DAG1: variants seen among roughly 807,000 people sequenced by gnomAD.
DAG1 encodes dystroglycan 1.
DAG1 carries 8 observed loss-of-function variants against 46.1 expected under a neutral mutation model. That is an observed-to-expected ratio of 0.17 (90% confidence interval 0.10 to 0.31). The LOEUF (loss-of-function observed/expected upper bound fraction) is 0.31, where lower values mean the gene tolerates loss of function less well. Ranked by LOEUF, DAG1 falls within the 10% of genes least tolerant of loss-of-function variation. The pLI, the probability that DAG1 is intolerant of heterozygous loss-of-function variation, is 1.00. For missense variants in DAG1, 1,003 were observed against 1,189.9 expected, an observed-to-expected ratio of 0.84 and a Z score of 2.31; for synonymous variants, 495 against 481.8, an observed-to-expected ratio of 1.03 and a Z score of -0.36.
At chr3:49,499,095 G>A (rs2050382089) in intron 1 of DAG1, among the ~76,000 whole-genome samples, 1 of 152,206 alleles carries the variant, frequency 6.6e-6, no homozygotes, top group African/African-American at 2.4e-5. Context: ...CTATTTGGGA[G>A]TAGGGGCTCC....
chr3:49,473,583 CT>C lies in DAG1; in HGVS notation c.-117+3162del, dbSNP rs554262180. On this transcript the variant is annotated intron_variant, in intron 1 of 2. Coordinates refer to ENST00000308775, the MANE Select transcript of DAG1 (RefSeq NM_004393.6). The stretch of plus-strand genomic sequence containing the variant: ...AGAGCATATTTCATTTCTTTTCTTC[CT>C]TTTTTTTTTTTGAGACGGAGTCTTG... 4.4e-3 allele frequency among the ~76,000 whole-genome samples: 646 copies of C among 145,408 alleles called. 14 individuals carry two copies. The East Asian group carries it at 0.054, about 12-fold the overall frequency.
At chr3:49,522,170 C>T (rs1032703221) in intron 2 of DAG1, among the ~76,000 whole-genome samples, 4 of 152,016 alleles carry the variant, frequency 2.6e-5, no homozygotes, top group Non-Finnish European at 5.9e-5. Context: ...GCTGGGATTA[C>T]AGGTGCCTGC....
chr3:49,528,988 C>T (rs2051269072), intron 2 of DAG1, among the ~76,000 whole-genome samples: 2 of 151,880 alleles, frequency 1.3e-5, no homozygotes, highest in African/African-American at 4.8e-5. Context: ...GTAGCTGGGA[C>T]TACAGGTGCC....
chr3:49,480,248 G>A (rs1185306292), intron 1 of DAG1, among the ~76,000 whole-genome samples: 1 of 148,398 alleles, frequency 6.7e-6, no homozygotes, highest in Non-Finnish European at 1.5e-5. Context: ...CACTGTGCCT[G>A]GTCATGAATA....
At chr3:49,524,077 T>C (rs1418974686) in intron 2 of DAG1, among the ~76,000 whole-genome samples, 1 of 152,224 alleles carries the variant, frequency 6.6e-6, no homozygotes, top group East Asian at 1.9e-4. Flanking sequence ...TTTTGAAAGC[T>C]GAGGAGGTAT....
intron 1 of DAG1, among the ~76,000 whole-genome samples, chr3:49,507,057 T>C (rs1475457327): frequency 6.6e-6 from 1 of 152,168 alleles, no homozygotes; most frequent in Non-Finnish European, 1.5e-5. Flanking sequence ...TTGTCTGCTT[T>C]CTGGAAGAGT....
At chr3:49,469,886 T>C (rs1343311715), upstream of DAG1, among the ~76,000 whole-genome samples, 1 of 152,200 alleles carries the variant, frequency 6.6e-6, no homozygotes, top group African/African-American at 2.4e-5. Flanking sequence ...TTGATTAGTC[T>C]TAGAGGCCCA....
Position 49,532,642 on chromosome 3 carries a change from G to T in DAG1, c.2131G>T (p.Gly711Cys). The change falls in exon 3 of 3, where the codon GGC (glycine) becomes TGC (cysteine). Residue 711 changes from glycine (G) to cysteine (C), a missense_variant. Physicochemically the swap from Gly to Cys is radical, Grantham distance 159. Coordinates refer to ENST00000308775, the MANE Select transcript of DAG1 (RefSeq NM_004393.6). This position sits in a 1 kb window ranked among gnomAD's most constrained non-coding sequence, Gnocchi z 5.4. Reference protein sequence around the residue: ...KATSITVTGSGSCRHLQFIPV... With the variant: ...KATSITVTGSCSCRHLQFIPV... ...CACAAGCATCACTGTGACGGGCTCT[G>T]GCAGTTGTCGGCACCTACAGTTTAT... is the stretch of plus-strand genomic sequence containing the variant. 1 of 1,614,032 alleles carries T rather than the reference G, an allele frequency of 6.2e-7. No homozygotes were observed. The highest frequency in any genetic ancestry group is 8.5e-7 in the Non-Finnish European group (1 of 1,179,918).
At position 49,534,506 on chromosome 3, in the gene DAG1, T is replaced by C. The variant is rs1262160318; in HGVS notation, c.*1307T>C. ...AGTTTTTATACAGCCTCAAATTGTTTTATTAAAAAAAAGATTTAAAATGGT... is the reference window on the plus strand; with the variant it reads ...AGTTTTTATACAGCCTCAAATTGTTCTATTAAAAAAAAGATTTAAAATGGT... On this transcript the variant is annotated 3_prime_UTR_variant, in exon 3 of 3. Transcript: ENST00000308775. 6.6e-6 allele frequency: 1 copy of C among 152,604 alleles called. No individual in the cohort carries two copies. The allele number at this position is 152,604 out of a possible 1,614,324, so 9.5% of individuals were successfully genotyped here.
intron 1 of DAG1, among the ~76,000 whole-genome samples, chr3:49,499,242 G>A (rs1387987561): frequency 1.3e-5 from 2 of 152,122 alleles, no homozygotes; most frequent in Non-Finnish European, 2.9e-5. Context: ...GTTAAGATGT[G>A]TGAAAGTTTC....
Position 49,510,564 on chromosome 3 carries a change from G to A in DAG1, c.30G>A (p.Leu10=). Residue 10 remains leucine (L), a synonymous_variant, in exon 2 of 3, where the codon CTG becomes CTA. Coordinates refer to ENST00000308775, the MANE Select transcript of DAG1 (RefSeq NM_004393.6). ...GGATGTCTGTGGGCCTCTCGCTGCT[G>A]CTGCCCCTCTCGGGGAGGACCTTTC... MRMSVGLSL[L]LPLSGRTFLL... is the part of the protein sequence containing the mutation. The A allele has an allele frequency of 6.2e-7, 1 of 1,613,878 alleles. No homozygotes were observed. The highest frequency in any genetic ancestry group is 8.5e-7 in the Non-Finnish European group (1 of 1,179,996).
intron 1 of DAG1, among the ~76,000 whole-genome samples, chr3:49,496,338 T>G (rs957975227): frequency 7.5e-5 from 11 of 147,508 alleles, no homozygotes; most frequent in Non-Finnish European, 7.4e-5. Context: ...CTTGGCCAAT[T>G]TTTTAAATTT....
chr3:49,473,687 A>G (rs930733146), intron 1 of DAG1, among the ~76,000 whole-genome samples: 9 of 150,792 alleles, frequency 6.0e-5, no homozygotes, highest in Admixed American at 4.0e-4. Flanking sequence ...GGTTCAAGCA[A>G]TTCTCCTGCC....
At chr3:49,511,071 A>G in intron 2 of DAG1, 1 of 726,302 alleles carries the variant, frequency 1.4e-6, no homozygotes, top group South Asian at 6.2e-5. Flanking sequence ...GTTCTACTGA[A>G]CACTGATTTA....
intron 2 of DAG1, among the ~76,000 whole-genome samples, chr3:49,519,875 A>G (rs2050984488): frequency 6.6e-6 from 1 of 152,186 alleles, no homozygotes; most frequent in Non-Finnish European, 1.5e-5. Flanking sequence ...TTTTTTGGGG[A>G]AAAAGACTAA....
intron 1 of DAG1, among the ~76,000 whole-genome samples, chr3:49,479,312 A>AT (rs35759587): frequency 0.3 from 42,100 of 142,482 alleles, 6,444 homozygotes; most frequent in Middle Eastern, 0.33. Flanking sequence ...TTGAGTATAG[A>AT]TTTTTTTTTT....
In DAG1 at chr3:49,535,336, G is replaced by T. The variant is rs978496041; in HGVS notation, c.*2137G>T. Reference sequence around the variant, plus strand: ...CCACCATTGGGCACTGCCATGCAGAGACGTGGCTGGCCCAGAATGGCCTGT... The same window carrying T: ...CCACCATTGGGCACTGCCATGCAGATACGTGGCTGGCCCAGAATGGCCTGT... On this transcript the variant is annotated 3_prime_UTR_variant, in exon 3 of 3. Transcript: ENST00000308775. 1.3e-5 allele frequency: 2 copies of T among 152,686 alleles called. No individual in the cohort carries two copies. Among genetic ancestry groups the T allele is most frequent in the African/African-American group, 4.8e-5 (2 of 41,470 alleles). 9.5% of individuals were successfully genotyped at this position (152,686 alleles called of 1,614,324 possible).
intron 1 of DAG1, among the ~76,000 whole-genome samples, chr3:49,475,922 T>G (rs2049672009): frequency 6.6e-6 from 1 of 151,898 alleles, no homozygotes; most frequent in South Asian, 2.1e-4. Flanking sequence ...GGTTTCACTG[T>G]GTTAGGATGG....
intron 1 of DAG1, among the ~76,000 whole-genome samples, chr3:49,483,959 G>T (rs1054173613): frequency 6.6e-6 from 1 of 152,156 alleles, no homozygotes; most frequent in Non-Finnish European, 1.5e-5. Flanking sequence ...CGGCCCAGAA[G>T]TGTCTTATAT....
Sources: allele counts gnomAD v4.1 joint callset (sites outside exome capture counted in the v4.1 genomes callset), GRCh38; gene constraint gnomAD v4.1.1; non-coding constraint Gnocchi (gnomAD v3.1); transcripts MANE v1.5; gene names NCBI Gene and HGNC (gene_info 2026-07-23, HGNC 2026-07-21).